SGPL1: variants seen among roughly 807,000 people sequenced by gnomAD.
SGPL1 encodes SP-lyase 1.
SGPL1 carries 37 observed loss-of-function variants against 68.9 expected under a neutral mutation model. The observed-to-expected ratio is 0.54, with a 90% confidence interval of 0.41 to 0.71. The LOEUF is 0.71. SGPL1 is among the 30% of genes least tolerant of loss of function. SGPL1 has a pLI of 0.00. For synonymous variants in SGPL1, 236 were observed against 248.5 expected (o/e 0.95, Z 0.47); for missense variants, 551 against 704.6 (o/e 0.78, Z 2.47).
chr10:70,843,870 A>G (rs1184876643), intron 2 of SGPL1, among the ~76,000 whole-genome samples: 2 of 152,256 alleles, frequency 1.3e-5, no homozygotes, highest in Non-Finnish European at 2.9e-5. Flanking sequence ...TTTTATGAAC[A>G]TGAAAATTAT....
intron 2 of SGPL1, among the ~76,000 whole-genome samples, chr10:70,843,693 A>G (rs189963353): frequency 7.2e-5 from 11 of 152,248 alleles, no homozygotes; most frequent in African/African-American, 2.7e-4. Context: ...TGTGAGGAAT[A>G]CACATGATGG....
chr10:70,818,639 A>G (rs1845282368), intron 2 of SGPL1, among the ~76,000 whole-genome samples: 1 of 152,112 alleles, frequency 6.6e-6, no homozygotes, highest in South Asian at 2.1e-4. Context: ...GAAGAGAGAA[A>G]CTAAGTTTTG....
intron 8 of SGPL1, among the ~76,000 whole-genome samples, chr10:70,868,993 T>C (rs1846243633): frequency 6.6e-6 from 1 of 152,264 alleles, no homozygotes; most frequent in Non-Finnish European, 1.5e-5. Context: ...GTACAGTATG[T>C]TTATCCTACA....
At chr10:70,828,676 G>C (rs545769681) in intron 2 of SGPL1, among the ~76,000 whole-genome samples, 1 of 152,186 alleles carries the variant, frequency 6.6e-6, no homozygotes, top group Non-Finnish European at 1.5e-5. Context: ...TAAAATATTT[G>C]TAGTAGTTAA....
rs372708573 is a variant in SGPL1 at position 70,836,744 on chromosome 10, TTTTG to T, written c.28-7717_28-7714del. ...GAGTGTGCCACCATGCCTACTGCTTTTTTGTTTGTTTGTTTTTTAAATTTTTTTG... is the reference window on the plus strand; with the variant it reads ...GAGTGTGCCACCATGCCTACTGCTTTTTTGTTTGTTTTTTAAATTTTTTTG... On this transcript the variant is annotated intron_variant, in intron 2 of 14. Coordinates refer to ENST00000373202, the MANE Select transcript of SGPL1 (RefSeq NM_003901.4). Among the ~76,000 whole-genome samples, 785 of 152,040 alleles carry T rather than the reference TTTTG, an allele frequency of 5.2e-3. 6 individuals are homozygous for T. Among genetic ancestry groups the T allele is most frequent in the African/African-American group, 0.017 (690 of 41,444 alleles).
chr10:70,874,059 A>G (rs577408319), intron 12 of SGPL1, among the ~76,000 whole-genome samples: 1 of 152,360 alleles, frequency 6.6e-6, no homozygotes, highest in African/African-American at 2.4e-5. Flanking sequence ...CAGGAATCAT[A>G]CTTGAAGAAT....
At chr10:70,867,964 A>G (rs1846224451) in intron 7 of SGPL1, among the ~76,000 whole-genome samples, 1 of 152,234 alleles carries the variant, frequency 6.6e-6, no homozygotes, top group South Asian at 2.1e-4. Flanking sequence ...ACAATTTCAC[A>G]TTCTTTAACA....
At chr10:70,871,208 G>C (rs1222200288) in intron 10 of SGPL1, 62 bp downstream of exon 10, 1 of 1,137,340 alleles carries the variant, frequency 8.8e-7, no homozygotes, top group Non-Finnish European at 1.3e-6. Context: ...AAGCCTAATG[G>C]GGCAGTACTT....
intron 10 of SGPL1, 87 bp downstream of exon 10, chr10:70,871,233 AT>A (rs3215323): frequency 4.3e-3 from 3,379 of 780,678 alleles, no homozygotes; most frequent in South Asian, 6.6e-3. Context: ...AATAGAAGCG[AT>A]TTTTTTTTTG....
chr10:70,851,287 A>G (rs542831039), intron 4 of SGPL1, 77 bp downstream of exon 4: 1 of 1,248,080 alleles, frequency 8.0e-7, no homozygotes, highest in East Asian at 2.3e-5. Flanking sequence ...TAAACCTAAT[A>G]TTCTCAAAGT....
Position 70,871,872 on chromosome 10 carries a change from C to T in SGPL1, c.945C>T (p.Asp315=), listed in dbSNP as rs781072418. 2.5e-5 allele frequency: 40 copies of T among 1,613,940 alleles called. No individual in the cohort carries two copies. The highest frequency in any genetic ancestry group is 3.1e-5 in the Non-Finnish European group (36 of 1,180,008). Residue 315 remains aspartate (D), a synonymous_variant, in exon 11 of 15, where the codon GAC becomes GAT. Transcript: ENST00000373202. Reference sequence around the variant, plus strand: ...AATACAAAATACCCCTTCATGTCGACGCTTGTCTGGGAGGCTTCCTCATCG... The same window carrying T: ...AATACAAAATACCCCTTCATGTCGATGCTTGTCTGGGAGGCTTCCTCATCG... ...AVKYKIPLHV[D]ACLGGFLIVF... is the part of the protein sequence containing the mutation.
intron 11 of SGPL1, 78 bp from the exon 12 acceptor site, chr10:70,873,273 G>T: frequency 9.9e-7 from 1 of 1,010,882 alleles, no homozygotes; most frequent in South Asian, 1.3e-5. Context: ...GATTTCCTTT[G>T]CATGATGAGA....
intron 2 of SGPL1, among the ~76,000 whole-genome samples, chr10:70,822,765 C>T (rs1389362614): frequency 6.7e-6 from 1 of 150,330 alleles, no homozygotes; most frequent in Non-Finnish European, 1.5e-5. Flanking sequence ...CATCTAAGGG[C>T]TAGCTAGCAA....
At chr10:70,866,531 A>G (rs1162973179) in intron 7 of SGPL1, 1 of 152,198 alleles carries the variant, frequency 6.6e-6, no homozygotes, top group African/African-American at 2.4e-5. Context: ...AGGAATTTGG[A>G]AATATTATTG....
At chr10:70,857,453 A>G (rs113290175) in intron 5 of SGPL1, 161 bp from the exon 6 acceptor site, 4 of 589,448 alleles carry the variant, frequency 6.8e-6, no homozygotes, top group East Asian at 3.1e-5. Flanking sequence ...TGCTAACTCT[A>G]TTGAACTTTT....
chr10:70,840,413 A>G (rs1589454966), intron 2 of SGPL1, among the ~76,000 whole-genome samples: 1 of 152,082 alleles, frequency 6.6e-6, no homozygotes. Flanking sequence ...TGCTGTTTTC[A>G]AGGTCCTAAG....
intron 7 of SGPL1, chr10:70,866,565 G>A (rs905893909): frequency 2.0e-5 from 3 of 152,188 alleles, no homozygotes; most frequent in Admixed American, 6.5e-5. Context: ...TGGACCTTAC[G>A]AAGAGATTGT....
chr10:70,859,187 ATTAT>A (rs1162105762), intron 6 of SGPL1, among the ~76,000 whole-genome samples, 180 bp from the exon 7 acceptor site: 2 of 152,130 alleles, frequency 1.3e-5, no homozygotes, highest in African/African-American at 4.8e-5. Flanking sequence ...ACATTGTAAA[ATTAT>A]TTATTTACAT....
chr10:70,831,989 C>T (rs941553816), intron 2 of SGPL1, among the ~76,000 whole-genome samples: 2 of 152,082 alleles, frequency 1.3e-5, no homozygotes, highest in African/African-American at 4.8e-5. Flanking sequence ...TTTCCTGAGG[C>T]CCAAAGTGCC....
Sources: gnomAD v4.1 joint callset for allele counts (sites outside exome capture counted in the v4.1 genomes callset) on GRCh38, gnomAD v4.1.1 for gene constraint, MANE v1.5 for transcripts, NCBI Gene and HGNC (gene_info 2026-07-23, HGNC 2026-07-21) for gene names.